THADA: variants seen among roughly 807,000 people sequenced by gnomAD.
The protein encoded by THADA is tRNA (32-2'-O)-methyltransferase regulator THADA.
In THADA, 213 loss-of-function variants were observed where a neutral mutation model predicts 219.8. The ratio of observed to expected loss-of-function variants is 0.97; its 90% CI spans 0.87 to 1.09. The LOEUF (loss-of-function observed/expected upper bound fraction) is 1.09. Among genes scored for constraint, THADA ranks in the 50% least tolerant of loss-of-function variants. The pLI, the probability that THADA is intolerant of heterozygous loss-of-function variation, is 0.00. For synonymous variants in THADA, 1,018 were observed against 828.9 expected (o/e 1.23, Z -3.92); for missense variants, 2,956 against 2,311.3 (o/e 1.28, Z -5.72).
At chr2:43,595,783 A>G (rs763791749) in intron 1 of THADA, 148 bp downstream of exon 1, 1 of 152,118 alleles carries the variant, frequency 6.6e-6, no homozygotes, top group Non-Finnish European at 1.5e-5. Context: ...CTCCATGGAG[A>G]CCTTAGCGAC....
At chr2:43,451,457 T>A (rs984319180) in intron 26 of THADA, among the ~76,000 whole-genome samples, 1 of 152,240 alleles carries the variant, frequency 6.6e-6, no homozygotes, top group Non-Finnish European at 1.5e-5. Flanking sequence ...ACTGTTGTTT[T>A]ACTGAAACAT....
At chr2:43,255,408 T>C in intron 36 of THADA, among the ~76,000 whole-genome samples, 1 of 152,234 alleles carries the variant, frequency 6.6e-6, no homozygotes, top group South Asian at 2.1e-4. Flanking sequence ...TGAGGAATTC[T>C]TGGGTTACAA....
At chr2:43,271,718 G>C (rs1169594220) in intron 36 of THADA, among the ~76,000 whole-genome samples, 1 of 150,132 alleles carries the variant, frequency 6.7e-6, no homozygotes, top group African/African-American at 2.5e-5. Flanking sequence ...GGGTTCAAGC[G>C]ATTCTCCTGC....
chr2:43,525,323 C>T (rs780826561), intron 22 of THADA, among the ~76,000 whole-genome samples: 3 of 152,208 alleles, frequency 2.0e-5, no homozygotes, highest in Non-Finnish European at 4.4e-5. Context: ...TCTGCGTATA[C>T]TTCTACAATA....
At chr2:43,559,877 T>A (rs1306129882) in intron 16 of THADA, among the ~76,000 whole-genome samples, 1 of 152,234 alleles carries the variant, frequency 6.6e-6, no homozygotes, top group Non-Finnish European at 1.5e-5. Flanking sequence ...TGCAAGTTAC[T>A]GTAAGTGATG....
intron 4 of THADA, among the ~76,000 whole-genome samples, chr2:43,588,238 T>A (rs1701204017): frequency 1.3e-5 from 2 of 148,196 alleles, no homozygotes. Flanking sequence ...CTAAATTGAA[T>A]CCCTACCTCA....
At chr2:43,594,751 T>G (rs773350622) in intron 1 of THADA, among the ~76,000 whole-genome samples, 7 of 152,162 alleles carry the variant, frequency 4.6e-5, no homozygotes, top group Non-Finnish European at 1.0e-4. Flanking sequence ...CTAAGAGGCT[T>G]TACACTTCTC....
At chr2:43,399,407 T>A (rs562343011) in intron 28 of THADA, among the ~76,000 whole-genome samples, 11 of 152,210 alleles carry the variant, frequency 7.2e-5, no homozygotes, top group African/African-American at 2.7e-4. Context: ...GGCCCTACAA[T>A]AGCAATGTTT....
chr2:43,404,795 T>C (rs1432344529), intron 28 of THADA, among the ~76,000 whole-genome samples: 1 of 152,180 alleles, frequency 6.6e-6, no homozygotes, highest in Non-Finnish European at 1.5e-5. Flanking sequence ...CACTTACTAG[T>C]GTGTGACTTT....
At chr2:43,556,174 T>C (rs1240324272) in intron 17 of THADA, 171 bp downstream of exon 17, 2 of 1,331,446 alleles carry the variant, frequency 1.5e-6, no homozygotes, top group Admixed American at 3.0e-5. Context: ...AAAAAAGTAT[T>C]ATAGCTGACT....
At chr2:43,272,456 A>G (rs1477466049) in intron 36 of THADA, among the ~76,000 whole-genome samples, 1 of 152,178 alleles carries the variant, frequency 6.6e-6, no homozygotes, top group East Asian at 1.9e-4. Context: ...AGCCTGGCGG[A>G]CAGGCACTTT....
chr2:43,496,387 G>T (rs1301905801), intron 25 of THADA, among the ~76,000 whole-genome samples: 1 of 152,110 alleles, frequency 6.6e-6, no homozygotes, highest in South Asian at 2.1e-4. Context: ...AAATGCTTCT[G>T]GACAGTGAAC....
intron 10 of THADA, among the ~76,000 whole-genome samples, chr2:43,575,347 A>G (rs1426200019): frequency 6.6e-6 from 1 of 152,164 alleles, no homozygotes; most frequent in Non-Finnish European, 1.5e-5. Context: ...CTACTTGGGA[A>G]GCTGAGGTGG....
intron 22 of THADA, among the ~76,000 whole-genome samples, chr2:43,520,070 T>A (rs1189503086): frequency 6.6e-6 from 1 of 152,194 alleles, no homozygotes; most frequent in Non-Finnish European, 1.5e-5. Context: ...TTTTGGTTCT[T>A]CATCACACAA....
At chr2:43,389,454 C>A (rs1194076867) in intron 29 of THADA, among the ~76,000 whole-genome samples, 1 of 152,144 alleles carries the variant, frequency 6.6e-6, no homozygotes, top group East Asian at 1.9e-4. Context: ...ACCCTAGTCT[C>A]TAACAATAAC....
chr2:43,396,759 C>T (rs778915457), intron 29 of THADA, among the ~76,000 whole-genome samples: 2 of 151,348 alleles, frequency 1.3e-5, no homozygotes, highest in South Asian at 2.1e-4. Flanking sequence ...TGCAGTGAGC[C>T]GAGACTGCAC....
intron 31 of THADA, among the ~76,000 whole-genome samples, chr2:43,300,746 A>C (rs1676163084): frequency 1.3e-5 from 2 of 152,182 alleles, no homozygotes; most frequent in African/African-American, 4.8e-5. Flanking sequence ...AAAGGGAGGA[A>C]ATTATCAAGT....
rs73923581 is a variant in THADA at position 43,344,642 on chromosome 2, G to C, written c.4228-405C>G. 5.7e-3 allele frequency among the ~76,000 whole-genome samples: 872 copies of C among 152,342 alleles called. 13 individuals are homozygous for C. Among genetic ancestry groups the C allele is most frequent in the African/African-American group, 0.02 (848 of 41,574 alleles). ...AAATTTAAAGAAAAATACATTGTTTGAGAGTCTAAACTGGTTTACATGTCT... is the reference window on the plus strand; with the variant it reads ...AAATTTAAAGAAAAATACATTGTTTCAGAGTCTAAACTGGTTTACATGTCT... On this transcript the variant is annotated intron_variant, in intron 29 of 37. Transcript: ENST00000405975.
intron 31 of THADA, among the ~76,000 whole-genome samples, chr2:43,296,351 C>T (rs1675384187): frequency 6.6e-6 from 1 of 152,168 alleles, no homozygotes; most frequent in South Asian, 2.1e-4. Flanking sequence ...TATTGGCTCA[C>T]TGCAACCTTC....
Sources: allele counts gnomAD v4.1 joint callset (sites outside exome capture counted in the v4.1 genomes callset), GRCh38; gene constraint gnomAD v4.1.1; transcripts MANE v1.5; gene names NCBI Gene and HGNC (gene_info 2026-07-23, HGNC 2026-07-21).